FAM114A1: variants seen among roughly 807,000 people sequenced by gnomAD.
The protein encoded by FAM114A1 is protein NOXP20.
FAM114A1 carries 62 observed loss-of-function variants against 64.3 expected under a neutral mutation model. That is an observed-to-expected ratio of 0.96 (90% CI 0.79 to 1.19). The LOEUF is 1.19. FAM114A1 is among the 50% of genes most tolerant of loss of function. FAM114A1 has a pLI of 0.00. For missense variants in FAM114A1, 645 were observed against 676.3 expected (o/e 0.95, Z 0.51); for synonymous variants, 254 against 251.1 (o/e 1.01, Z -0.11).
chr4:38,913,835 C>T (rs963080208), intron 7 of FAM114A1, among the ~76,000 whole-genome samples: 6 of 152,104 alleles, frequency 3.9e-5, no homozygotes, highest in East Asian at 1.9e-4. Context: ...CAGTGGCTCA[C>T]GCCTGTGATC....
intron 9 of FAM114A1, among the ~76,000 whole-genome samples, chr4:38,926,818 C>G (rs1402390927): frequency 6.6e-6 from 1 of 152,194 alleles, no homozygotes; most frequent in Non-Finnish European, 1.5e-5. Flanking sequence ...CCAGCTCTCC[C>G]TTTGTGTGAT....
intron 12 of FAM114A1, among the ~76,000 whole-genome samples, chr4:38,932,798 A>G (rs1255032949): frequency 6.6e-6 from 1 of 151,986 alleles, no homozygotes; most frequent in Non-Finnish European, 1.5e-5. Flanking sequence ...TACCTGGCCA[A>G]AGATTCAAAT....
At chr4:38,875,921 A>T (rs1337169950) in intron 2 of FAM114A1, among the ~76,000 whole-genome samples, 6 of 152,176 alleles carry the variant, frequency 3.9e-5, no homozygotes, top group Non-Finnish European at 8.8e-5. Context: ...AATAATTTGT[A>T]AGCTTTAAAA....
At chr4:38,933,749 C>T (rs185468441) in intron 12 of FAM114A1, among the ~76,000 whole-genome samples, 3 of 152,170 alleles carry the variant, frequency 2.0e-5, no homozygotes, top group East Asian at 1.9e-4. Context: ...TAAGTACCCT[C>T]GTATTATTAG....
At chr4:38,920,205 CAA>C (rs567275919) in intron 8 of FAM114A1, among the ~76,000 whole-genome samples, 1 of 134,310 alleles carries the variant, frequency 7.4e-6, no homozygotes. Context: ...AGACCCGTCT[CAA>C]AAAAAAAAAA....
At chr4:38,879,341 G>A (rs1406503115) in intron 3 of FAM114A1, among the ~76,000 whole-genome samples, 2 of 152,196 alleles carry the variant, frequency 1.3e-5, no homozygotes, top group Non-Finnish European at 2.9e-5. Context: ...AGCATGATGT[G>A]AGGGACAGGA....
intron 2 of FAM114A1, among the ~76,000 whole-genome samples, chr4:38,877,177 A>G (rs1308802626): frequency 3.3e-5 from 5 of 152,234 alleles, no homozygotes; most frequent in Non-Finnish European, 1.5e-5. Flanking sequence ...ATTTTCCCAC[A>G]GATCAGCAGA....
chr4:38,904,050 A>G (rs1367141116), intron 4 of FAM114A1, among the ~76,000 whole-genome samples: 1 of 152,236 alleles, frequency 6.6e-6, no homozygotes, highest in Admixed American at 6.5e-5. Context: ...TTATTTTAAC[A>G]GTGCCTTCTA....
chr4:38,905,670 T>A lies in FAM114A1; in HGVS notation c.550+35T>A, dbSNP rs199533608. ...GTGTCTCCTCTGGGTGTTCTTGGAC[T>A]TTATTACACCATGTGCATAATCAGA... On this transcript the variant is annotated intron_variant, in intron 5 of 14. Transcript: ENST00000358869. 2.0e-5 allele frequency: 32 copies of A among 1,608,542 alleles called. No homozygotes were observed. In the South Asian group the frequency reaches 2.6e-4, roughly 13 times the overall value.
chr4:38,939,006 T>C (rs1010135491), intron 13 of FAM114A1, among the ~76,000 whole-genome samples: 1 of 152,224 alleles, frequency 6.6e-6, no homozygotes, highest in African/African-American at 2.4e-5. Flanking sequence ...TGCACATGGA[T>C]CAATTGGAGA....
intron 3 of FAM114A1, among the ~76,000 whole-genome samples, chr4:38,883,848 C>G (rs955135919): frequency 2.6e-5 from 4 of 152,150 alleles, no homozygotes. Flanking sequence ...CGGTGACACC[C>G]AGTTTTGGCT....
chr4:38,921,576 T>C (rs1719596571), intron 8 of FAM114A1, among the ~76,000 whole-genome samples: 1 of 152,174 alleles, frequency 6.6e-6, no homozygotes, highest in Non-Finnish European at 1.5e-5. Flanking sequence ...CAAATAATTG[T>C]TAACTGTATA....
In FAM114A1 at chr4:38,921,530, G is replaced by A. The variant is rs1462755957; in HGVS notation, c.946-1240G>A. ...TCCCGCCTCAGCCTCCCAAAATGCT[G>A]GGATTACAGGGGTGAACCACCATGC... On this transcript the variant is annotated intron_variant, in intron 8 of 14. Coordinates refer to ENST00000358869, the MANE Select transcript of FAM114A1 (RefSeq NM_138389.4). Among the ~76,000 whole-genome samples, 4 of 152,192 alleles carry A rather than the reference G, an allele frequency of 2.6e-5. No individual in the cohort carries two copies. The East Asian group carries it at 7.7e-4, about 29-fold the overall frequency.
intron 7 of FAM114A1, 22 bp downstream of exon 7, chr4:38,908,748 A>G: frequency 1.3e-6 from 2 of 1,519,882 alleles, no homozygotes; most frequent in Middle Eastern, 1.8e-4. Context: ...TACGTTTGCA[A>G]TTTTTTCTTT....
chr4:38,923,860 T>C (rs746257173), intron 9 of FAM114A1, among the ~76,000 whole-genome samples: 8 of 152,228 alleles, frequency 5.3e-5, no homozygotes, highest in Non-Finnish European at 8.8e-5. Context: ...GGAAAACTTA[T>C]TCTCTGGGTT....
chr4:38,911,241 G>A (rs1718500426), intron 7 of FAM114A1, among the ~76,000 whole-genome samples: 1 of 152,238 alleles, frequency 6.6e-6, no homozygotes, highest in South Asian at 2.1e-4. Context: ...ATGGGTGAAA[G>A]TGTCCCAGAC....
chr4:38,882,297 C>T (rs1272262034), intron 3 of FAM114A1, among the ~76,000 whole-genome samples: 6 of 107,062 alleles, frequency 5.6e-5, no homozygotes, highest in South Asian at 5.8e-4. Context: ...CCGGCCTGGG[C>T]GACAGAGCGA....
In FAM114A1 at chr4:38,872,436, G is replaced by T. The variant is rs562860783; in HGVS notation, c.-9+3890G>T. ...TGTTTATCACAGCCAGATTTACTCTGATGTTCCTGCTTATAGAAAACTGAA... is the reference window on the plus strand; with the variant it reads ...TGTTTATCACAGCCAGATTTACTCTTATGTTCCTGCTTATAGAAAACTGAA... On this transcript the variant is annotated intron_variant, in intron 2 of 14. Transcript: ENST00000358869. Among the ~76,000 whole-genome samples the T allele has an allele frequency of 6.6e-5, 10 of 152,306 alleles. 1 individual carries two copies. The South Asian group carries it at 2.1e-3, about 32-fold the overall frequency.
intron 14 of FAM114A1, among the ~76,000 whole-genome samples, chr4:38,941,225 G>A (rs995962446): frequency 6.6e-5 from 10 of 152,064 alleles, no homozygotes; most frequent in African/African-American, 2.4e-4. Context: ...AAGAATTCCT[G>A]ATTATAAAAA....
Sources: allele counts gnomAD v4.1 joint callset (sites outside exome capture counted in the v4.1 genomes callset), GRCh38; gene constraint gnomAD v4.1.1; transcripts MANE v1.5; gene names NCBI Gene and HGNC (gene_info 2026-07-23, HGNC 2026-07-21).